The following B4GALT2 variants were observed in gnomAD, a reference collection of about 807,000 sequenced individuals.
B4GALT2 encodes the protein N-acetyllactosamine synthase.
In B4GALT2, 18 loss-of-function variants were observed where a neutral mutation model predicts 33.2. That is an observed-to-expected ratio of 0.54 (90% CI 0.38 to 0.80). B4GALT2 has a LOEUF of 0.80. B4GALT2 is among the 30% of genes least tolerant of loss of function. B4GALT2 has a pLI of 0.00. For synonymous variants in B4GALT2, 214 were observed against 217.6 expected (o/e 0.98, Z 0.15); for missense variants, 404 against 526.2 (o/e 0.77, Z 2.27).
In B4GALT2 at chr1:43,979,964, A is replaced by G; in HGVS notation, c.-53+453A>G. On this transcript the variant is annotated intron_variant, in intron 1 of 6. Transcript: ENST00000372324. This position sits in a 1 kb window ranked among gnomAD's most constrained non-coding sequence, Gnocchi z 4.8. ...ACCCCTGCGCCGGAGGGAGGGTGGG[A>G]ATGTCTGCACGTGGGTCTGGGTGTG... is the stretch of plus-strand genomic sequence containing the variant. 6.5e-7 allele frequency: 1 copy of G among 1,527,452 alleles called. No individual in the cohort carries two copies. The highest frequency in any genetic ancestry group is 8.8e-7 in the Non-Finnish European group (1 of 1,142,488). 94.6% of individuals were successfully genotyped at this position (1,527,452 alleles called of 1,614,324 possible).
intron 6 of B4GALT2, among the ~76,000 whole-genome samples, chr1:43,988,746 C>CT (rs563559020): frequency 1.5e-4 from 22 of 147,538 alleles, no homozygotes; most frequent in South Asian, 6.4e-4. Context: ...ACTCAGGAGG[C>CT]TAAGGCAGGA....
chr1:43,979,714 C>T lies in B4GALT2; in HGVS notation c.-53+203C>T. 1 of 306,288 alleles carries T rather than the reference C, an allele frequency of 3.3e-6. No homozygotes were observed. The allele number at this position is 306,288 out of a possible 1,614,324, so 19.0% of individuals were successfully genotyped here. A position where few individuals can be genotyped will look rare whatever the true frequency, so the allele number is the denominator to read the frequency against. ...GGCTTCTCCGCCCGCGTCCAGCCGG[C>T]CTCCCTCATTGTCCTCGCTCGCCCC... is the stretch of plus-strand genomic sequence containing the variant. On this transcript the variant is annotated intron_variant, in intron 1 of 6. Transcript: ENST00000372324. The surrounding 1 kb of genome is among the most constrained non-coding windows in gnomAD (Gnocchi z 4.8).
chr1:43,990,256 A>T (rs757158250), intron 6 of B4GALT2, 42 bp from the exon 7 acceptor site: 1 of 1,604,212 alleles, frequency 6.2e-7, no homozygotes, highest in Non-Finnish European at 8.5e-7. Context: ...TTTTTAGTTT[A>T]CAGTTGTTAG....
rs2085613101 is a variant in B4GALT2 at position 43,982,615 on chromosome 1, G to A, written c.549+691G>A. ...GACCTGGAGGATGCAGGGCCAGCAAGATAACTGGCCTCGTGTTCACGAACT... is the reference window on the plus strand; with the variant it reads ...GACCTGGAGGATGCAGGGCCAGCAAAATAACTGGCCTCGTGTTCACGAACT... On this transcript the variant is annotated intron_variant, in intron 3 of 6. Coordinates refer to ENST00000372324, the MANE Select transcript of B4GALT2 (RefSeq NM_003780.5). The surrounding 1 kb of genome is among the most constrained non-coding windows in gnomAD (Gnocchi z 4.3). Among the ~76,000 whole-genome samples the A allele has an allele frequency of 6.6e-6, 1 of 152,238 alleles. No homozygotes were observed. Among genetic ancestry groups the A allele is most frequent in the Non-Finnish European group, 1.5e-5 (1 of 68,038 alleles).
chr1:43,984,963 T>C lies in B4GALT2; in HGVS notation c.648T>C (p.Asp216=), dbSNP rs751993285. 6.2e-7 allele frequency: 1 copy of C among 1,614,084 alleles called. No individual in the cohort carries two copies. Among genetic ancestry groups the C allele is most frequent in the Non-Finnish European group, 8.5e-7 (1 of 1,180,012 alleles). The change falls in exon 4 of 7, where the codon GAT becomes GAC. Residue 216 remains aspartate (D), a synonymous_variant. Transcript: ENST00000372324. This position sits in a 1 kb window ranked among gnomAD's most constrained non-coding sequence, Gnocchi z 5.6. ...DAAYDCFIFS[D]VDLVPMDDRN... ...CCTATGACTGCTTCATCTTCAGCGA[T>C]GTGGACCTGGTCCCCATGGATGACC... is the stretch of plus-strand genomic sequence containing the variant.
chr1:43,989,320 CAAAAAAAA>C (rs34161254), intron 6 of B4GALT2, among the ~76,000 whole-genome samples: 1 of 118,194 alleles, frequency 8.5e-6, no homozygotes, highest in African/African-American at 3.1e-5. Flanking sequence ...TACTCTGTCT[CAAAAAAAA>C]AAAAAAAAAA....
chr1:43,986,748 C>G (rs890552865), intron 6 of B4GALT2, among the ~76,000 whole-genome samples: 1 of 152,234 alleles, frequency 6.6e-6, no homozygotes, highest in East Asian at 1.9e-4. Context: ...CATGGAAGAA[C>G]CTGAAGAAGG....
rs2085637468 is a variant in B4GALT2 at position 43,984,856 on chromosome 1, C to A, written c.550-9C>A. On this transcript the variant is annotated splice_polypyrimidine_tract_variant and intron_variant, in intron 3 of 6. Coordinates refer to ENST00000372324, the MANE Select transcript of B4GALT2 (RefSeq NM_003780.5). This position sits in a 1 kb window ranked among gnomAD's most constrained non-coding sequence, Gnocchi z 5.6. ...GGCCCAGGGTTGACCTGCTCCTCCC[C>A]CTACCCAGCATGGTGAGGACACCTT... 6.2e-7 allele frequency: 1 copy of A among 1,612,228 alleles called. No individual in the cohort carries two copies. The highest frequency in any genetic ancestry group is 1.7e-5 in the Admixed American group (1 of 59,950).
rs753587540 is a variant in B4GALT2 at position 43,981,127 on chromosome 1, G to T, written c.-34G>T. On this transcript the variant is annotated 5_prime_UTR_variant, in exon 2 of 7. Coordinates refer to ENST00000372324, the MANE Select transcript of B4GALT2 (RefSeq NM_003780.5). The surrounding 1 kb of genome is among the most constrained non-coding windows in gnomAD (Gnocchi z 8.1). ...TGCTCAGGCCAGCAGCCGGATGCCC[G>T]GGCCCACTGGGCGGGCCAGTGGCCG... The T allele has an allele frequency of 1.3e-6, 2 of 1,592,000 alleles. No individual in the cohort carries two copies. The highest frequency in any genetic ancestry group is 3.4e-5 in the Admixed American group (2 of 59,286).
At position 43,981,802 on chromosome 1, in the gene B4GALT2, C is replaced by T; in HGVS notation, c.427C>T (p.Gln143Ter). Reference sequence around the variant, plus strand: ...CACACCGCCCGACTGCACCCCAGCCCAGACGGTGGCGGTCATCATCCCCTT... The same window carrying T: ...CACACCGCCCGACTGCACCCCAGCCTAGACGGTGGCGGTCATCATCCCCTT... ...RYTPPDCTPA[Q>*]TVAVIIPFRH... Residue 143 changes from glutamine to a stop codon, truncating the protein, a stop_gained, in exon 3 of 7, where the codon CAG (glutamine) becomes TAG (stop). Coordinates refer to ENST00000372324, the MANE Select transcript of B4GALT2 (RefSeq NM_003780.5). LOFTEE classifies it high-confidence loss of function. The surrounding 1 kb of genome is among the most constrained non-coding windows in gnomAD (Gnocchi z 8.1). 1 of 1,613,852 alleles carries T rather than the reference C, an allele frequency of 6.2e-7. No individual in the cohort carries two copies. Among genetic ancestry groups the T allele is most frequent in the Non-Finnish European group, 8.5e-7 (1 of 1,180,030 alleles).
At chr1:43,988,607 T>C (rs1031118230) in intron 6 of B4GALT2, among the ~76,000 whole-genome samples, 1 of 151,892 alleles carries the variant, frequency 6.6e-6, no homozygotes, top group Non-Finnish European at 1.5e-5. Flanking sequence ...GAGGCAGAGG[T>C]TGCAGTGAGC....
intron 1 of B4GALT2, chr1:43,980,137 C>T (rs374817381): frequency 7.6e-7 from 1 of 1,320,420 alleles, no homozygotes; most frequent in African/African-American, 1.5e-5. Context: ...CAGCTGGGAC[C>T]AGGGTGTCCC....
At position 43,984,148 on chromosome 1, in the gene B4GALT2, T is replaced by C. The variant is rs553147474; in HGVS notation, c.550-717T>C. Reference sequence around the variant, plus strand: ...AATTCTCAGGGGACCCCAGGCTTGCTGGGCTGTGACTGCCTATAGACCCTA... The same window carrying C: ...AATTCTCAGGGGACCCCAGGCTTGCCGGGCTGTGACTGCCTATAGACCCTA... On this transcript the variant is annotated intron_variant, in intron 3 of 6. Transcript: ENST00000372324. The surrounding 1 kb of genome is among the most constrained non-coding windows in gnomAD (Gnocchi z 5.6). Among the ~76,000 whole-genome samples, 1 of 152,334 alleles carries C rather than the reference T, an allele frequency of 6.6e-6. No homozygotes were observed. The highest frequency in any genetic ancestry group is 2.1e-4 in the South Asian group (1 of 4,826).
In B4GALT2 at chr1:43,985,399, C is replaced by T; in HGVS notation, c.862C>T (p.Arg288Trp). 5 of 1,455,072 alleles carry T rather than the reference C, an allele frequency of 3.4e-6. No homozygotes were observed. Among genetic ancestry groups the T allele is most frequent in the Non-Finnish European group, 4.6e-6 (5 of 1,095,568 alleles). The allele number at this position is 1,455,072 out of a possible 1,614,324, so 90.1% of individuals were successfully genotyped here. ...WGGEDDDIFN[R>W]ISLTGMKISR... ...TGGCGAGGATGATGACATCTTCAAC[C>T]GGTGAGTAAGCACGCGGTGGGGAAT... The change falls in exon 5 of 7, where the codon CGG becomes TGG. Residue 288 changes from arginine (R) to tryptophan (W), a missense_variant and splice_region_variant. Transcript: ENST00000372324.
chr1:43,988,795 C>T (rs1267877156), intron 6 of B4GALT2, among the ~76,000 whole-genome samples: 5 of 144,118 alleles, frequency 3.5e-5, no homozygotes, highest in African/African-American at 1.0e-4. Context: ...TGCAGTGAGC[C>T]GAGACCGCGC....
chr1:43,979,965 A>G lies in B4GALT2; in HGVS notation c.-53+454A>G. The stretch of plus-strand genomic sequence containing the variant: ...CCCCTGCGCCGGAGGGAGGGTGGGA[A>G]TGTCTGCACGTGGGTCTGGGTGTGA... On this transcript the variant is annotated intron_variant, in intron 1 of 6. Coordinates refer to ENST00000372324, the MANE Select transcript of B4GALT2 (RefSeq NM_003780.5). The surrounding 1 kb of genome is among the most constrained non-coding windows in gnomAD (Gnocchi z 4.8). 1 of 1,526,536 alleles carries G rather than the reference A, an allele frequency of 6.6e-7. No individual in the cohort carries two copies. Among genetic ancestry groups the G allele is most frequent in the Non-Finnish European group, 8.8e-7 (1 of 1,141,810 alleles). 94.6% of individuals were successfully genotyped at this position (1,526,536 alleles called of 1,614,324 possible). A position where few individuals can be genotyped will look rare whatever the true frequency, so the allele number is the denominator to read the frequency against.
At chr1:43,985,169 G>A (rs1571805949) in intron 4 of B4GALT2, 109 bp from the exon 5 acceptor site, 1 of 1,564,272 alleles carries the variant, frequency 6.4e-7, no homozygotes, top group Non-Finnish European at 8.7e-7. Flanking sequence ...CCACTGGCGA[G>A]GCTGGATCCT....
rs2085723847 is a variant in B4GALT2, at chr1:43,990,773, C to T, written c.*325C>T. On this transcript the variant is annotated 3_prime_UTR_variant, in exon 7 of 7. Coordinates refer to ENST00000372324, the MANE Select transcript of B4GALT2 (RefSeq NM_003780.5). ...AGTGGCCTGGGCTAGGTCACTCCAC[C>T]TCTCTGTGCCTCAGTTTCCCCCCCT... is the stretch of plus-strand genomic sequence containing the variant. 2 of 337,698 alleles carry T rather than the reference C, an allele frequency of 5.9e-6. No homozygotes were observed. Among genetic ancestry groups the T allele is most frequent in the Admixed American group, 4.0e-5 (1 of 24,750 alleles). 20.9% of individuals were successfully genotyped at this position (337,698 alleles called of 1,614,324 possible). A position where few individuals can be genotyped will look rare whatever the true frequency, so the allele number is the denominator to read the frequency against.
At chr1:43,980,818 A>C (rs1160893778) in intron 1 of B4GALT2, among the ~76,000 whole-genome samples, 1 of 152,016 alleles carries the variant, frequency 6.6e-6, no homozygotes, top group African/African-American at 2.4e-5. Context: ...GTGTGTGTAG[A>C]GTTGTGCAAT....
Sources: gnomAD v4.1 joint callset for allele counts (sites outside exome capture counted in the v4.1 genomes callset) on GRCh38, gnomAD v4.1.1 for gene constraint, Gnocchi (gnomAD v3.1) non-coding constraint, MANE v1.5 for transcripts, NCBI Gene and HGNC (gene_info 2026-07-23, HGNC 2026-07-21) for gene names.